CHN1: variants seen among roughly 807,000 people sequenced by gnomAD.
CHN1 encodes the protein N-chimaerin.
Under a neutral mutation model 59.5 loss-of-function variants are expected in CHN1, and 37 were observed. The ratio of observed to expected loss-of-function variants is 0.62; its 90% CI spans 0.48 to 0.82. The LOEUF is 0.82. Ranked by LOEUF, CHN1 falls within the 40% of genes least tolerant of loss-of-function variation. The pLI, the probability that CHN1 is intolerant of heterozygous loss-of-function variation, is 0.00. For missense variants in CHN1, 469 were observed against 571.0 expected (o/e 0.82, Z 1.82); for synonymous variants, 206 against 200.4 (o/e 1.03, Z -0.24).
At chr2:174,914,355 C>T (rs1688779286) in intron 5 of CHN1, among the ~76,000 whole-genome samples, 1 of 152,132 alleles carries the variant, frequency 6.6e-6, no homozygotes, top group Non-Finnish European at 1.5e-5. Context: ...AGGGAAGAGC[C>T]AAGAGCTCCC....
chr2:174,887,176 G>A (rs1687919121), intron 5 of CHN1, among the ~76,000 whole-genome samples: 1 of 152,036 alleles, frequency 6.6e-6, no homozygotes, highest in African/African-American at 2.4e-5. Context: ...ACTAGACTAG[G>A]ATTTCTGACT....
chr2:174,823,434 C>T lies in CHN1; in HGVS notation c.712+1000G>A, dbSNP rs542075656. Reference sequence around the variant, plus strand: ...ATCCCAGCACTTTGGGAGGCTGAGGCGGGTGGATCACGAGGTCAGGAGATC... The same window carrying T: ...ATCCCAGCACTTTGGGAGGCTGAGGTGGGTGGATCACGAGGTCAGGAGATC... On this transcript the variant is annotated intron_variant, in intron 8 of 12. Transcript: ENST00000409900. 7.9e-5 allele frequency among the ~76,000 whole-genome samples: 12 copies of T among 152,184 alleles called. No homozygotes were observed. In the South Asian group the frequency reaches 8.3e-4, roughly 11 times the overall value.
chr2:174,834,503 T>C (rs1686002449), intron 7 of CHN1, among the ~76,000 whole-genome samples: 1 of 152,208 alleles, frequency 6.6e-6, no homozygotes, highest in Non-Finnish European at 1.5e-5. Context: ...TATTTTCTCT[T>C]CATCTCTGAA....
chr2:174,971,176 A>G (rs950730002), intron 1 of CHN1, among the ~76,000 whole-genome samples: 4 of 151,976 alleles, frequency 2.6e-5, no homozygotes, highest in African/African-American at 9.7e-5. Context: ...AAATAAGCCG[A>G]GCATGGTGGT....
chr2:174,894,354 A>G (rs902716492), intron 5 of CHN1, among the ~76,000 whole-genome samples: 1 of 152,182 alleles, frequency 6.6e-6, no homozygotes, highest in Non-Finnish European at 1.5e-5. Context: ...CAAATGACAA[A>G]CAAGCATATG....
At chr2:174,941,353 T>C (rs551673574) in intron 3 of CHN1, among the ~76,000 whole-genome samples, 3 of 152,216 alleles carry the variant, frequency 2.0e-5, no homozygotes, top group Non-Finnish European at 4.4e-5. Flanking sequence ...CTGGGGCTTC[T>C]AGGCCCTTTC....
At chr2:174,946,729 T>C (rs552194864) in intron 2 of CHN1, among the ~76,000 whole-genome samples, 1 of 152,010 alleles carries the variant, frequency 6.6e-6, no homozygotes, top group East Asian at 1.9e-4. Flanking sequence ...TAAATCTCCA[T>C]CCTCCTTAAA....
chr2:174,989,479 T>A (rs1443455083), intron 1 of CHN1, among the ~76,000 whole-genome samples: 1 of 151,318 alleles, frequency 6.6e-6, no homozygotes, highest in African/African-American at 2.4e-5. Flanking sequence ...ATATTAAAGT[T>A]GCATATTAGG....
At chr2:174,974,406 A>C (rs911057998) in intron 1 of CHN1, among the ~76,000 whole-genome samples, 3 of 152,234 alleles carry the variant, frequency 2.0e-5, no homozygotes, top group Non-Finnish European at 2.9e-5. Context: ...TTGTCACTGG[A>C]AAATGAAAAA....
At chr2:174,996,352 G>A (rs1319833082) in intron 1 of CHN1, among the ~76,000 whole-genome samples, 1 of 152,186 alleles carries the variant, frequency 6.6e-6, no homozygotes, top group Non-Finnish European at 1.5e-5. Context: ...ACTTTTTCAA[G>A]TGGGTCAACA....
At chr2:174,848,319 A>T (rs2105438192) in intron 6 of CHN1, among the ~76,000 whole-genome samples, 1 of 152,254 alleles carries the variant, frequency 6.6e-6, no homozygotes, top group South Asian at 2.1e-4. Flanking sequence ...TACTTATAGG[A>T]CCCATATACT....
intron 5 of CHN1, among the ~76,000 whole-genome samples, chr2:174,906,933 G>C (rs1184126520): frequency 2.6e-5 from 4 of 152,172 alleles, no homozygotes; most frequent in Non-Finnish European, 4.4e-5. Flanking sequence ...GGGAGTGCAT[G>C]TTTATCTGAA....
intron 6 of CHN1, among the ~76,000 whole-genome samples, chr2:174,857,374 T>C: frequency 6.6e-6 from 1 of 152,148 alleles, no homozygotes; most frequent in East Asian, 1.9e-4. Flanking sequence ...ATTGCTCAGA[T>C]ATCTTAGGTG....
At chr2:174,805,450 A>G (rs1357875300) in intron 11 of CHN1, among the ~76,000 whole-genome samples, 1 of 152,256 alleles carries the variant, frequency 6.6e-6, no homozygotes, top group Non-Finnish European at 1.5e-5. Flanking sequence ...GTACTGTGGG[A>G]AAAGGAACAT....
Position 174,927,085 on chromosome 2 carries a change from T to C in CHN1, c.115-8520A>G, listed in dbSNP as rs561949617. On this transcript the variant is annotated intron_variant, in intron 3 of 12. Transcript: ENST00000409900. ...CCCACACCTTTTTCAAATTCCTTCC[T>C]CCTTCCCCAATATCTGCCCTTTACC... is the stretch of plus-strand genomic sequence containing the variant. Among the ~76,000 whole-genome samples, 352 of 152,120 alleles carry C rather than the reference T, an allele frequency of 2.3e-3. 1 individual carries two copies. The highest frequency in any genetic ancestry group is 8.1e-3 in the African/African-American group (335 of 41,534).
At chr2:174,948,348 G>A (rs986547079) in intron 2 of CHN1, among the ~76,000 whole-genome samples, 2 of 152,098 alleles carry the variant, frequency 1.3e-5, no homozygotes, top group African/African-American at 4.8e-5. Context: ...AGGTCTCCAC[G>A]GTCAACTTAC....
chr2:174,936,255 T>TA lies in CHN1; in HGVS notation c.114+8632dup, dbSNP rs1164001542. 2.0e-5 allele frequency among the ~76,000 whole-genome samples: 3 copies of TA among 152,162 alleles called. No individual in the cohort carries two copies. In the South Asian group the frequency reaches 6.2e-4, roughly 32 times the overall value. Reference sequence around the variant, plus strand: ...GAATAGAAATTTGGCTTTATATGTTTAAAAAAAATCATCACTACATTTCCC... The same window carrying TA: ...GAATAGAAATTTGGCTTTATATGTTTAAAAAAAAATCATCACTACATTTCCC... On this transcript the variant is annotated intron_variant, in intron 3 of 12. Coordinates refer to ENST00000409900, the MANE Select transcript of CHN1 (RefSeq NM_001822.7).
intron 1 of CHN1, among the ~76,000 whole-genome samples, chr2:174,992,070 T>G (rs1177665803): frequency 6.6e-6 from 1 of 152,028 alleles, no homozygotes; most frequent in Non-Finnish European, 1.5e-5. Context: ...TTCTGATGGG[T>G]GACAGAGGGC....
chr2:174,988,936 T>C (rs1691446595), intron 1 of CHN1, among the ~76,000 whole-genome samples: 1 of 152,220 alleles, frequency 6.6e-6, no homozygotes, highest in East Asian at 1.9e-4. Flanking sequence ...TACTGTTCAA[T>C]GGTATTTATT....
Sources: gnomAD v4.1 joint callset for allele counts (sites outside exome capture counted in the v4.1 genomes callset) on GRCh38, gnomAD v4.1.1 for gene constraint, MANE v1.5 for transcripts, NCBI Gene and HGNC (gene_info 2026-07-23, HGNC 2026-07-21) for gene names.